The following YTHDC2 variants were observed in gnomAD, a reference collection of about 807,000 sequenced individuals.
The protein encoded by YTHDC2 is 3'-5' RNA helicase YTHDC2.
A neutral mutation model predicts 174.9 loss-of-function variants in YTHDC2; 45 were observed. That is an observed-to-expected ratio of 0.26 (90% CI 0.20 to 0.33). YTHDC2 has a LOEUF of 0.33. Among genes scored for constraint, YTHDC2 ranks in the 10% least tolerant of loss-of-function variants. YTHDC2 has a pLI of 1.00. For missense variants in YTHDC2, 1,650 were observed against 1,723.7 expected, an observed-to-expected ratio of 0.96 and a Z score of 0.76; for synonymous variants, 657 against 574.5, an observed-to-expected ratio of 1.14 and a Z score of -2.05.
At chr5:113,562,146 A>G (rs191605871) in intron 18 of YTHDC2, among the ~76,000 whole-genome samples, 2 of 150,230 alleles carry the variant, frequency 1.3e-5, no homozygotes, top group Admixed American at 6.6e-5. Context: ...TTAAACATCC[A>G]TATACCTAAG....
Position 113,566,015 on chromosome 5 carries a change from A to G in YTHDC2, c.2838A>G (p.Ala946=), listed in dbSNP as rs918347822. 2.5e-6 allele frequency: 4 copies of G among 1,603,724 alleles called. No individual in the cohort carries two copies. The highest frequency in any genetic ancestry group is 2.3e-5 in the East Asian group (1 of 44,436). Residue 946 remains alanine (A), a synonymous_variant, in exon 21 of 30, where the codon GCA becomes GCG. Coordinates refer to ENST00000161863, the MANE Select transcript of YTHDC2 (RefSeq NM_022828.5). ...CACAGTTGCTTGGTCAACTTAGAGC[A>G]TCAGGTAAAGTTTTTCCCTCAAAGA... The part of the protein sequence containing the change: ...MRTQLLGQLR[A]SGFVRARGGG...
intron 2 of YTHDC2, among the ~76,000 whole-genome samples, chr5:113,519,870 C>A (rs1417803180): frequency 2.0e-5 from 3 of 152,132 alleles, no homozygotes; most frequent in African/African-American, 7.2e-5. Flanking sequence ...AGAGTCAATA[C>A]ACATAATTTC....
intron 12 of YTHDC2, among the ~76,000 whole-genome samples, chr5:113,550,231 T>C (rs531697886): frequency 1.3e-5 from 2 of 151,838 alleles, no homozygotes; most frequent in South Asian, 4.2e-4. Context: ...GTAGGCCTGA[T>C]CGCATAGGAA....
intron 9 of YTHDC2, among the ~76,000 whole-genome samples, chr5:113,542,130 G>A (rs766095123): frequency 3.9e-5 from 6 of 152,132 alleles, no homozygotes; most frequent in Non-Finnish European, 8.8e-5. Context: ...TTAACATCGT[G>A]ACTAGATCAT....
chr5:113,542,243 G>T, intron 9 of YTHDC2, 125 bp from the exon 10 acceptor site: 5 of 985,372 alleles, frequency 5.1e-6, no homozygotes, highest in Non-Finnish European at 7.6e-6. Flanking sequence ...AATTTTTTAT[G>T]TCAAAGCATT....
chr5:113,533,700 G>C (rs889930935), intron 5 of YTHDC2, among the ~76,000 whole-genome samples: 5 of 152,106 alleles, frequency 3.3e-5, no homozygotes, highest in African/African-American at 1.2e-4. Context: ...ATAACTGTTA[G>C]TGAATTTATT....
chr5:113,589,454 G>C (rs961617315), intron 26 of YTHDC2, among the ~76,000 whole-genome samples: 1 of 142,632 alleles, frequency 7.0e-6, no homozygotes, highest in East Asian at 2.0e-4. Context: ...TTCTGGCCCG[G>C]CGTGGTTTAT....
intron 17 of YTHDC2, among the ~76,000 whole-genome samples, chr5:113,557,426 T>G (rs748228778): frequency 7.9e-5 from 12 of 152,212 alleles, no homozygotes; most frequent in Non-Finnish European, 1.6e-4. Context: ...TTGTTGTTGT[T>G]ATGTCAGTTG....
At position 113,591,032 on chromosome 5, in the gene YTHDC2, C is replaced by A. The variant is rs1778976151; in HGVS notation, c.3826-9C>A. The stretch of plus-strand genomic sequence containing the variant: ...GTTACCTTTCAAGAACTTATGTTTT[C>A]TTTTATAGGGCTCAAAATCTCCTTC... On this transcript the variant is annotated splice_polypyrimidine_tract_variant and intron_variant, in intron 26 of 29. Transcript: ENST00000161863. The A allele has an allele frequency of 6.2e-7, 1 of 1,612,110 alleles. No homozygotes were observed. Among genetic ancestry groups the A allele is most frequent in the Non-Finnish European group, 8.5e-7 (1 of 1,179,130 alleles).
In YTHDC2 at chr5:113,593,531, A is replaced by C. The variant is rs370316422; in HGVS notation, c.*57A>C. Reference sequence around the variant, plus strand: ...ATGCCTATTTATAACCACTGAATGCACTGACTTTCAAAAACTGAGGTGGGG... The same window carrying C: ...ATGCCTATTTATAACCACTGAATGCCCTGACTTTCAAAAACTGAGGTGGGG... On this transcript the variant is annotated 3_prime_UTR_variant, in exon 30 of 30. Transcript: ENST00000161863. 4.8e-6 allele frequency: 3 copies of C among 627,004 alleles called. No homozygotes were observed. The highest frequency in any genetic ancestry group is 7.8e-6 in the Non-Finnish European group (3 of 383,674). The allele number at this position is 627,004 out of a possible 1,614,324, so 38.8% of individuals were successfully genotyped here. A position where few individuals can be genotyped will look rare whatever the true frequency, so the allele number is the denominator to read the frequency against.
chr5:113,574,973 G>A (rs978874394), intron 23 of YTHDC2, among the ~76,000 whole-genome samples: 2 of 152,152 alleles, frequency 1.3e-5, no homozygotes, highest in East Asian at 1.9e-4. Flanking sequence ...CCCTTGGCTG[G>A]GGGTGAGGGT....
intron 22 of YTHDC2, 130 bp downstream of exon 22, chr5:113,567,427 T>TATAA (rs138503872): frequency 0.1 from 37,700 of 373,716 alleles, 2,362 homozygotes; most frequent in Admixed American, 0.28. Flanking sequence ...TATATATATA[T>TATAA]CATTAAATAT....
rs1777451326 is a variant in YTHDC2 at position 113,567,865 on chromosome 5, A to G, written c.3244+16A>G. 6.8e-7 allele frequency: 1 copy of G among 1,467,676 alleles called. No individual in the cohort carries two copies. The highest frequency in any genetic ancestry group is 2.5e-5 in the Admixed American group (1 of 39,762). 90.9% of individuals were successfully genotyped at this position (1,467,676 alleles called of 1,614,324 possible). On this transcript the variant is annotated intron_variant, in intron 23 of 29. Transcript: ENST00000161863. ...TCCTTTAGAGGTAAATGTATTAAGG[A>G]AATAAAAATCTATTTGAAATGAATT...
chr5:113,563,203 G>T (rs1290790540), intron 18 of YTHDC2, among the ~76,000 whole-genome samples, 170 bp from the exon 19 acceptor site: 1 of 152,038 alleles, frequency 6.6e-6, no homozygotes, highest in Non-Finnish European at 1.5e-5. Flanking sequence ...GGCATCTAGG[G>T]CAAAGTATGA....
At chr5:113,548,856 A>C (rs1030860495) in intron 11 of YTHDC2, 99 bp from the exon 12 acceptor site, 6 of 1,237,938 alleles carry the variant, frequency 4.8e-6, no homozygotes, top group African/African-American at 1.6e-5. Flanking sequence ...TTTATTTAAA[A>C]ATTTTTTTGA....
chr5:113,550,020 A>G (rs186184966), intron 12 of YTHDC2, among the ~76,000 whole-genome samples: 67 of 152,304 alleles, frequency 4.4e-4, no homozygotes, highest in Non-Finnish European at 8.5e-4. Flanking sequence ...TAGAAAAAAC[A>G]TAAGAAAATT....
intron 10 of YTHDC2, among the ~76,000 whole-genome samples, chr5:113,546,640 T>C (rs1333271051): frequency 6.6e-6 from 1 of 152,238 alleles, no homozygotes; most frequent in African/African-American, 2.4e-5. Context: ...GCATTACAGA[T>C]GATTCTAACA....
At chr5:113,521,225 G>A (rs967548230) in intron 2 of YTHDC2, among the ~76,000 whole-genome samples, 1 of 152,186 alleles carries the variant, frequency 6.6e-6, no homozygotes, top group Non-Finnish European at 1.5e-5. Flanking sequence ...CTATATAACA[G>A]ATGAGGCAAT....
At chr5:113,545,285 T>C (rs1775782524) in intron 10 of YTHDC2, among the ~76,000 whole-genome samples, 1 of 152,158 alleles carries the variant, frequency 6.6e-6, no homozygotes, top group Admixed American at 6.5e-5. Context: ...AGTGAGGGTT[T>C]TTTGACTTTT....
Sources: gnomAD v4.1 joint callset for allele counts (sites outside exome capture counted in the v4.1 genomes callset) on GRCh38, gnomAD v4.1.1 for gene constraint, MANE v1.5 for transcripts, NCBI Gene and HGNC (gene_info 2026-07-23, HGNC 2026-07-21) for gene names.